Variants in CMIP observed in about 807,000 individuals in gnomAD.
The protein encoded by CMIP is C-Maf-inducing protein.
Under a neutral mutation model 97.3 loss-of-function variants are expected in CMIP, and 13 were observed. That is an observed-to-expected ratio of 0.13 (90% CI 0.09 to 0.21). CMIP has a LOEUF of 0.21. CMIP is among the 10% of genes least tolerant of loss of function. CMIP has a pLI of 1.00. For missense variants in CMIP, 847 were observed against 1,024.9 expected, an observed-to-expected ratio of 0.83 and a Z score of 2.37; for synonymous variants, 538 against 436.3, an observed-to-expected ratio of 1.23 and a Z score of -2.91.
rs1466587055 is a variant in CMIP, at chr16:81,615,137, GTCT to G, written c.427-5738_427-5736del. ...GTGTCTGTGGTGTGTGTGTATGTAT[GTCT>G]GTGTGATGTGTGTGCATGTGTGTGT... On this transcript the variant is annotated intron_variant, in intron 2 of 20. Coordinates refer to ENST00000537098, the MANE Select transcript of CMIP (RefSeq NM_198390.3). Among the ~76,000 whole-genome samples the G allele has an allele frequency of 1.2e-4, 11 of 91,920 alleles. No individual in the cohort carries two copies. The South Asian group carries it at 1.9e-3, about 16-fold the overall frequency. The allele number at this position is 91,920 out of a possible 152,430, so 60.3% of individuals were successfully genotyped here.
chr16:81,702,810 C>T, intron 17 of CMIP, 141 bp downstream of exon 17: 1 of 709,102 alleles, frequency 1.4e-6, no homozygotes, highest in Middle Eastern at 3.2e-4. Flanking sequence ...CTTAACACGC[C>T]AGCTCTTCCA....
chr16:81,589,242 G>A (rs1158686353), intron 1 of CMIP, among the ~76,000 whole-genome samples: 2 of 152,064 alleles, frequency 1.3e-5, no homozygotes, highest in South Asian at 2.1e-4. Flanking sequence ...GACTACAGGC[G>A]TGCACCACCA....
intron 3 of CMIP, among the ~76,000 whole-genome samples, chr16:81,637,922 G>A (rs1326657318): frequency 6.6e-6 from 1 of 152,118 alleles, no homozygotes; most frequent in African/African-American, 2.4e-5. Context: ...CACATGGGAA[G>A]GGGTGAGGGA....
chr16:81,611,628 A>G (rs2091833476), intron 2 of CMIP, among the ~76,000 whole-genome samples: 1 of 148,212 alleles, frequency 6.7e-6, no homozygotes, highest in African/African-American at 2.5e-5. Context: ...GCTGTGGCTC[A>G]CTCTGGGCTT....
intron 2 of CMIP, among the ~76,000 whole-genome samples, chr16:81,617,933 G>C (rs2091942199): frequency 6.6e-6 from 1 of 152,196 alleles, no homozygotes; most frequent in African/African-American, 2.4e-5. Flanking sequence ...CACAGAAGAG[G>C]GAGGGATGTG....
intron 1 of CMIP, among the ~76,000 whole-genome samples, chr16:81,487,526 G>A (rs939224128): frequency 6.6e-6 from 1 of 152,202 alleles, no homozygotes. Context: ...CATGGCCCGC[G>A]TGGCTTCCAG....
chr16:81,530,889 T>C (rs1440442898), intron 1 of CMIP, among the ~76,000 whole-genome samples: 4 of 152,174 alleles, frequency 2.6e-5, no homozygotes, highest in Admixed American at 1.3e-4. Context: ...GGGAGAATAA[T>C]TGGAAAAGCG....
At chr16:81,558,272 C>T (rs1030813944) in intron 1 of CMIP, among the ~76,000 whole-genome samples, 3 of 152,108 alleles carry the variant, frequency 2.0e-5, no homozygotes, top group Admixed American at 1.3e-4. Flanking sequence ...TTCTCCATCC[C>T]TCCATCAGCA....
In CMIP at chr16:81,515,570, G is replaced by A. The variant is rs141213839; in HGVS notation, c.300+70029G>A. ...CGTGTTTCGTCAGCCCAAGAGCATC[G>A]TTAAGTGGCCATCAGGAAATCACAG... On this transcript the variant is annotated intron_variant, in intron 1 of 20. Transcript: ENST00000537098. Among the ~76,000 whole-genome samples the A allele has an allele frequency of 2.5e-4, 38 of 152,302 alleles. 1 individual carries two copies. Among genetic ancestry groups the A allele is most frequent in the African/African-American group, 1.4e-4 (6 of 41,550 alleles).
intron 1 of CMIP, among the ~76,000 whole-genome samples, chr16:81,478,485 G>C (rs1216895488): frequency 6.6e-6 from 1 of 152,220 alleles, no homozygotes; most frequent in Admixed American, 6.5e-5. Flanking sequence ...ACATGTGTCA[G>C]TCAGGGAGGC....
rs2092023777 is a variant in CMIP, at chr16:81,623,847, T to C, written c.477+2921T>C. Among the ~76,000 whole-genome samples the C allele has an allele frequency of 2.0e-5, 3 of 152,280 alleles. No individual in the cohort carries two copies. The South Asian group carries it at 6.2e-4, about 32-fold the overall frequency. ...GCTGGCTAGGTCATTTCTGGTTCAT[T>C]GTCGTTAAGCAGGTAATAGAACCAA... On this transcript the variant is annotated intron_variant, in intron 3 of 20. Transcript: ENST00000537098.
intron 1 of CMIP, among the ~76,000 whole-genome samples, chr16:81,539,092 A>G (rs2090400028): frequency 6.6e-6 from 1 of 152,194 alleles, no homozygotes; most frequent in African/African-American, 2.4e-5. Context: ...GGCAGCTCAG[A>G]TTCTCCATTC....
intron 7 of CMIP, among the ~76,000 whole-genome samples, chr16:81,667,900 CTT>C (rs972842936): frequency 2.6e-5 from 4 of 151,720 alleles, no homozygotes; most frequent in African/African-American, 9.7e-5. Context: ...CTGCCTCCCT[CTT>C]TATGTAGCAG....
intron 9 of CMIP, among the ~76,000 whole-genome samples, chr16:81,673,737 C>T (rs1394434832): frequency 6.6e-6 from 1 of 152,110 alleles, no homozygotes; most frequent in African/African-American, 2.4e-5. Flanking sequence ...AATGCAGATG[C>T]CATTAGTTTA....
chr16:81,536,530 A>G (rs886232947), intron 1 of CMIP, among the ~76,000 whole-genome samples: 1 of 152,200 alleles, frequency 6.6e-6, no homozygotes, highest in Non-Finnish European at 1.5e-5. Flanking sequence ...GCAGATCAAT[A>G]GTGTTAAGTA....
chr16:81,445,213 C>G lies in CMIP; in HGVS notation c.-29C>G, dbSNP rs1343994032. On this transcript the variant is annotated 5_prime_UTR_variant, in exon 1 of 21. Coordinates refer to ENST00000537098, the MANE Select transcript of CMIP (RefSeq NM_198390.3). The stretch of plus-strand genomic sequence containing the variant: ...GCAGCCCAGGACAGCCCCCTCTCCC[C>G]GCCCCCAGCCCCCTCCCCCGGCGCG... 2 of 1,460,790 alleles carry G rather than the reference C, an allele frequency of 1.4e-6. No individual in the cohort carries two copies. Among genetic ancestry groups the G allele is most frequent in the African/African-American group, 2.8e-5 (2 of 70,276 alleles). 90.5% of individuals were successfully genotyped at this position (1,460,790 alleles called of 1,614,324 possible).
chr16:81,706,192 G>A (rs943588398), intron 19 of CMIP, among the ~76,000 whole-genome samples: 1 of 152,242 alleles, frequency 6.6e-6, no homozygotes, highest in Admixed American at 6.5e-5. Flanking sequence ...TTCTGTATTT[G>A]ACCAGCTTTC....
chr16:81,628,656 G>GT (rs1318902831), intron 3 of CMIP, among the ~76,000 whole-genome samples: 1 of 152,110 alleles, frequency 6.6e-6, no homozygotes, highest in African/African-American at 2.4e-5. Flanking sequence ...GCTCCCAACT[G>GT]TACATGCATG....
chr16:81,657,029 T>A (rs969723837), intron 4 of CMIP, among the ~76,000 whole-genome samples: 3 of 148,058 alleles, frequency 2.0e-5, no homozygotes, highest in Non-Finnish European at 3.0e-5. Context: ...TGGTTAAGTA[T>A]AATGCAGATA....
Sources: gnomAD v4.1 joint callset for allele counts (sites outside exome capture counted in the v4.1 genomes callset) on GRCh38, gnomAD v4.1.1 for gene constraint, MANE v1.5 for transcripts, NCBI Gene and HGNC (gene_info 2026-07-23, HGNC 2026-07-21) for gene names.